Variants in RMND1 observed in about 807,000 individuals in gnomAD.
RMND1 encodes required for meiotic nuclear division protein 1 homolog.
In RMND1, 41 loss-of-function variants were observed where a neutral mutation model predicts 54.0. That is an observed-to-expected ratio of 0.76 (90% confidence interval 0.59 to 0.98). The LOEUF is 0.98. Ranked by LOEUF, RMND1 falls within the 50% of genes least tolerant of loss-of-function variation. The pLI, the probability that RMND1 is intolerant of heterozygous loss-of-function variation, is 0.00. For synonymous variants in RMND1, 183 were observed against 181.7 expected (o/e 1.01, Z -0.06); for missense variants, 457 against 532.0 (o/e 0.86, Z 1.39).
intron 9 of RMND1, among the ~76,000 whole-genome samples, chr6:151,419,393 A>C (rs902016032): frequency 6.6e-6 from 1 of 151,962 alleles, no homozygotes; most frequent in African/African-American, 2.4e-5. Flanking sequence ...CTAAATAAAA[A>C]TCTAAGTTAT....
At chr6:151,450,609 C>A (rs1486648496) in intron 1 of RMND1, among the ~76,000 whole-genome samples, 1 of 149,784 alleles carries the variant, frequency 6.7e-6, no homozygotes, top group Non-Finnish European at 1.5e-5. Flanking sequence ...GGCCAGCCGC[C>A]CCGTCCGGGA....
At chr6:151,416,415 TAC>T (rs1338965879) in intron 10 of RMND1, among the ~76,000 whole-genome samples, 1 of 141,218 alleles carries the variant, frequency 7.1e-6, no homozygotes, top group Non-Finnish European at 1.5e-5. Context: ...CCTCCATCAC[TAC>T]AGCTTTTTTT....
In RMND1 at chr6:151,423,643, A is replaced by G. The variant is rs750689086; in HGVS notation, c.831-12T>C. ...GTTTTGACTGTCCCCTGTGAAAAGC[A>G]AAAAGATAATACCTTCTAAATCTTA... On this transcript the variant is annotated splice_polypyrimidine_tract_variant and intron_variant, in intron 6 of 11. Coordinates refer to ENST00000444024, the MANE Select transcript of RMND1 (RefSeq NM_017909.4). The G allele has an allele frequency of 6.5e-7, 1 of 1,539,018 alleles. No individual in the cohort carries two copies.
chr6:151,414,483 C>G lies in RMND1; in HGVS notation c.1200+2796G>C, dbSNP rs568791954. On this transcript the variant is annotated intron_variant, in intron 10 of 11. Transcript: ENST00000444024. Reference sequence around the variant, plus strand: ...AGTAGACACTAATATCAAGAGGTATCTGAGGTTAGGTATTATTAGATGATG... The same window carrying G: ...AGTAGACACTAATATCAAGAGGTATGTGAGGTTAGGTATTATTAGATGATG... Among the ~76,000 whole-genome samples, 9 of 152,142 alleles carry G rather than the reference C, an allele frequency of 5.9e-5. No individual in the cohort carries two copies. The East Asian group carries it at 1.7e-3, about 29-fold the overall frequency.
chr6:151,430,104 AT>A, intron 5 of RMND1, 33 bp downstream of exon 5: 1 of 1,446,760 alleles, frequency 6.9e-7, no homozygotes, highest in Non-Finnish European at 9.7e-7. Flanking sequence ...ACAAAACTAA[AT>A]TTTTATATTT....
chr6:151,408,934 G>A (rs994050595), intron 10 of RMND1: 5 of 152,288 alleles, frequency 3.3e-5, no homozygotes, highest in Non-Finnish European at 7.3e-5. Flanking sequence ...TTTCTGTTAA[G>A]CAGCAGTAGG....
chr6:151,411,107 G>A (rs995787465), intron 10 of RMND1, among the ~76,000 whole-genome samples: 1 of 152,080 alleles, frequency 6.6e-6, no homozygotes, highest in African/African-American at 2.4e-5. Context: ...TCACAGGCAT[G>A]CACCACCAGG....
At chr6:151,448,754 C>A (rs1188832482) in intron 1 of RMND1, among the ~76,000 whole-genome samples, 1 of 152,186 alleles carries the variant, frequency 6.6e-6, no homozygotes, top group Admixed American at 6.5e-5. Flanking sequence ...TGAATCTCAA[C>A]GCGAAATCTA....
intron 6 of RMND1, among the ~76,000 whole-genome samples, chr6:151,426,061 G>A (rs946277285): frequency 6.6e-6 from 1 of 150,704 alleles, no homozygotes; most frequent in Non-Finnish European, 1.5e-5. Flanking sequence ...CTCTGCCTCC[G>A]CCTCCGCCTC....
intron 6 of RMND1, among the ~76,000 whole-genome samples, chr6:151,427,269 A>G (rs1338906497): frequency 1.3e-5 from 2 of 151,714 alleles, no homozygotes; most frequent in Non-Finnish European, 2.9e-5. Context: ...CCACTTACTC[A>G]GGAGGCTGAG....
At chr6:151,424,294 A>G (rs1780233054) in intron 6 of RMND1, among the ~76,000 whole-genome samples, 1 of 152,072 alleles carries the variant, frequency 6.6e-6, no homozygotes, top group Non-Finnish European at 1.5e-5. Flanking sequence ...CCCCGTCTCT[A>G]CTCAAAACAC....
chr6:151,445,221 T>C (rs1218019648), intron 2 of RMND1, 87 bp downstream of exon 2: 80 of 1,392,140 alleles, frequency 5.7e-5, no homozygotes, highest in African/African-American at 1.7e-4. Flanking sequence ...TTCTCTTACG[T>C]TGGCGGTAAG....
chr6:151,419,671 TAA>T (rs11295311), intron 9 of RMND1, among the ~76,000 whole-genome samples: 127 of 117,034 alleles, frequency 1.1e-3, no homozygotes, highest in Non-Finnish European at 1.4e-3. Flanking sequence ...AGACCCTGTT[TAA>T]AAAAAAAAAA....
intron 11 of RMND1, 41 bp from the exon 12 acceptor site, chr6:151,405,308 T>G (rs748980536): frequency 4.5e-6 from 7 of 1,559,630 alleles, no homozygotes; most frequent in Non-Finnish European, 6.2e-6. Context: ...ACGGGCAAAT[T>G]ATGGGTACAA....
In RMND1 at chr6:151,423,605, T is replaced by TC; in HGVS notation, c.856dup (p.Glu286GlyfsTer12). 6.2e-7 allele frequency: 1 copy of TC among 1,613,794 alleles called. No homozygotes were observed. Among genetic ancestry groups the TC allele is most frequent in the South Asian group, 1.1e-5 (1 of 91,060 alleles). On this transcript the variant is annotated frameshift_variant, in exon 7 of 12. Transcript: ENST00000444024. LOFTEE classifies it high-confidence loss of function. ...ATCCAGCTCTGAATTTAACTTGATT[T>TC]CCCCCCTGTGAAGTTTTGACTGTCC... is the stretch of plus-strand genomic sequence containing the variant.
intron 1 of RMND1, among the ~76,000 whole-genome samples, chr6:151,449,121 C>T (rs1407794301): frequency 6.9e-6 from 1 of 145,426 alleles, no homozygotes; most frequent in Non-Finnish European, 1.5e-5. Flanking sequence ...GTAACCCCAG[C>T]ATTTTGGGAG....
chr6:151,438,071 C>G lies in RMND1; in HGVS notation c.505-1517G>C, dbSNP rs188730102. On this transcript the variant is annotated intron_variant, in intron 2 of 11. Transcript: ENST00000444024. ...ATAGTCACATATGAAAGTAGGAACACGGGGATATACAAATAAAAATGTATC... is the reference window on the plus strand; with the variant it reads ...ATAGTCACATATGAAAGTAGGAACAGGGGGATATACAAATAAAAATGTATC... Among the ~76,000 whole-genome samples, 227 of 152,206 alleles carry G rather than the reference C, an allele frequency of 1.5e-3. 1 individual carries two copies. The highest frequency in any genetic ancestry group is 2.6e-3 in the Non-Finnish European group (174 of 68,014).
intron 10 of RMND1, among the ~76,000 whole-genome samples, chr6:151,412,669 A>G (rs1779883535): frequency 6.6e-6 from 1 of 152,194 alleles, no homozygotes; most frequent in Admixed American, 6.5e-5. Context: ...GCACTGTTCT[A>G]CAGGAAGCAT....
intron 10 of RMND1, among the ~76,000 whole-genome samples, chr6:151,406,276 C>T (rs911259491): frequency 2.6e-5 from 4 of 152,158 alleles, no homozygotes; most frequent in Admixed American, 1.3e-4. Flanking sequence ...TTCTGCATTC[C>T]GATGCCTCCA....
Sources: allele counts gnomAD v4.1 joint callset (sites outside exome capture counted in the v4.1 genomes callset), GRCh38; gene constraint gnomAD v4.1.1; transcripts MANE v1.5; gene names NCBI Gene and HGNC (gene_info 2026-07-23, HGNC 2026-07-21).